Variants in ERG observed in about 807,000 individuals in gnomAD.
ERG encodes transcriptional regulator ERG.
A neutral mutation model predicts 55.3 loss-of-function variants in ERG; 9 were observed. That is an observed-to-expected ratio of 0.16 (90% confidence interval 0.10 to 0.28). The LOEUF (loss-of-function observed/expected upper bound fraction) is 0.28, where lower values mean the gene tolerates loss of function less well. ERG is among the 10% of genes least tolerant of loss of function. The pLI is 1.00. For missense variants in ERG, 434 were observed against 631.6 expected (o/e 0.69, Z 3.35); for synonymous variants, 223 against 237.3 (o/e 0.94, Z 0.55).
chr21:38,408,238 AG>A (rs1988865040), intron 3 of ERG, among the ~76,000 whole-genome samples: 1 of 152,230 alleles, frequency 6.6e-6, no homozygotes, highest in Admixed American at 6.5e-5. Context: ...AATAGAGGAC[AG>A]TTTGCAGGGG....
intron 6 of ERG, among the ~76,000 whole-genome samples, chr21:38,399,021 C>A (rs115985176): frequency 2.4e-3 from 363 of 152,336 alleles, no homozygotes; most frequent in African/African-American, 8.0e-3. Context: ...CACAGAATTA[C>A]AAAATCTCTA....
intron 2 of ERG, among the ~76,000 whole-genome samples, chr21:38,517,628 A>C (rs1042006175): frequency 6.6e-6 from 1 of 152,142 alleles, no homozygotes; most frequent in Admixed American, 6.5e-5. Context: ...TGAAAAAGAA[A>C]TCAGTATATC....
At chr21:38,553,516 C>T (rs2059837843) in intron 2 of ERG, among the ~76,000 whole-genome samples, 1 of 152,106 alleles carries the variant, frequency 6.6e-6, no homozygotes, top group Non-Finnish European at 1.5e-5. Flanking sequence ...TTAGAGAACC[C>T]AGAAGTAATG....
At chr21:38,463,020 G>A (rs943467790) in intron 1 of ERG, among the ~76,000 whole-genome samples, 4 of 152,248 alleles carry the variant, frequency 2.6e-5, no homozygotes, top group Middle Eastern at 3.4e-3. Context: ...TGCAGAGCCC[G>A]GGCACAGACT....
chr21:38,470,024 A>C (rs1215064879), intron 1 of ERG, among the ~76,000 whole-genome samples: 1 of 152,138 alleles, frequency 6.6e-6, no homozygotes, highest in Non-Finnish European at 1.5e-5. Flanking sequence ...AGGCCATTAA[A>C]CTGTAAGCTC....
In ERG at chr21:38,382,776, A is replaced by G. The variant is rs1987508790; in HGVS notation, c.*627T>C. On this transcript the variant is annotated 3_prime_UTR_variant, in exon 10 of 10. Coordinates refer to ENST00000288319, the MANE Select transcript of ERG (RefSeq NM_182918.4). ...CCTTTTAGTTCATAGTCCCGGTAAT[A>G]CTGTAAAGGAGTTGGAAACTTTGGG... 1 of 1,065,914 alleles carries G rather than the reference A, an allele frequency of 9.4e-7. No homozygotes were observed. The highest frequency in any genetic ancestry group is 1.1e-6 in the Non-Finnish European group (1 of 879,540). 66.0% of individuals were successfully genotyped at this position (1,065,914 alleles called of 1,614,324 possible).
chr21:38,604,516 C>T (rs2836563), intron 1 of ERG, among the ~76,000 whole-genome samples: 11,471 of 152,102 alleles, frequency 0.075, 817 homozygotes, highest in African/African-American at 0.19. Context: ...TAAAGCATTA[C>T]TTTTTAATTA....
At chr21:38,393,457 G>T (rs1988068998) in intron 6 of ERG, among the ~76,000 whole-genome samples, 1 of 152,200 alleles carries the variant, frequency 6.6e-6, no homozygotes, top group Admixed American at 6.5e-5. Context: ...TCAGTTCAAT[G>T]TCATGTGTCA....
chr21:38,424,185 GA>G (rs1989701341), intron 2 of ERG, among the ~76,000 whole-genome samples: 5 of 58,578 alleles, frequency 8.5e-5, no homozygotes, highest in Admixed American at 1.5e-4. Context: ...ACCAGAGCTC[GA>G]GCTCTCTCTC....
intron 1 of ERG, among the ~76,000 whole-genome samples, chr21:38,597,240 T>C (rs956800741): frequency 1.4e-4 from 22 of 152,216 alleles, no homozygotes; most frequent in African/African-American, 4.6e-4. Context: ...TATACACATA[T>C]GTACACAGTT....
At chr21:38,562,088 C>T (rs901325726) in intron 2 of ERG, among the ~76,000 whole-genome samples, 3 of 152,292 alleles carry the variant, frequency 2.0e-5, no homozygotes, top group Admixed American at 2.0e-4. Context: ...TTTATGCCTG[C>T]AAGCTCACTA....
chr21:38,465,608 G>A (rs1485086552), intron 1 of ERG, among the ~76,000 whole-genome samples: 2 of 152,172 alleles, frequency 1.3e-5, no homozygotes, highest in African/African-American at 4.8e-5. Flanking sequence ...AATGCACTCC[G>A]ATGGGGAATG....
At chr21:38,635,594 C>A (rs78445426) in intron 1 of ERG, among the ~76,000 whole-genome samples, 3,853 of 152,280 alleles carry the variant, frequency 0.025, 76 homozygotes, top group Middle Eastern at 0.041. Flanking sequence ...ATAAACTTCT[C>A]ATTTCTAAAA....
intron 2 of ERG, among the ~76,000 whole-genome samples, chr21:38,424,467 C>T (rs1055423516): frequency 2.0e-5 from 3 of 152,178 alleles, no homozygotes; most frequent in African/African-American, 7.2e-5. Flanking sequence ...GCGGAACTAC[C>T]ACCTGGCTTC....
At position 38,661,012 on chromosome 21, in the gene ERG, G is replaced by A. The variant is rs559093329; in HGVS notation, c.-150+646C>T. On this transcript the variant is annotated intron_variant, in intron 1 of 10. Transcript: ENST00000398910. Reference sequence around the variant, plus strand: ...TCCGGGAGGAAGAGGAGGAGGAAGAGGAGGAGGCGGAGGAGGAGGAAGAGG... The same window carrying A: ...TCCGGGAGGAAGAGGAGGAGGAAGAAGAGGAGGCGGAGGAGGAGGAAGAGG... Among the ~76,000 whole-genome samples the A allele has an allele frequency of 2.0e-5, 3 of 152,110 alleles. No homozygotes were observed. In the East Asian group the frequency reaches 5.9e-4, roughly 30 times the overall value.
At position 38,380,237 on chromosome 21, in the gene ERG, C is replaced by A; in HGVS notation, c.*3166G>T. 1 of 1,054,308 alleles carries A rather than the reference C, an allele frequency of 9.5e-7. No homozygotes were observed. The highest frequency in any genetic ancestry group is 1.1e-6 in the Non-Finnish European group (1 of 872,398). 65.3% of individuals were successfully genotyped at this position (1,054,308 alleles called of 1,614,324 possible). A position where few individuals can be genotyped will look rare whatever the true frequency, so the allele number is the denominator to read the frequency against. On this transcript the variant is annotated 3_prime_UTR_variant, in exon 10 of 10. Transcript: ENST00000288319. ...CACCTTCCCAGCTCCTGAGCTGTAGCCATCTCTGCTGCACCTGCTGTCAGA... is the reference window on the plus strand; with the variant it reads ...CACCTTCCCAGCTCCTGAGCTGTAGACATCTCTGCTGCACCTGCTGTCAGA...
At chr21:38,602,208 G>T (rs149438369) in intron 1 of ERG, among the ~76,000 whole-genome samples, 1 of 152,298 alleles carries the variant, frequency 6.6e-6, no homozygotes, top group African/African-American at 2.4e-5. Context: ...ACTTTGGGAG[G>T]CTGTGGCAGG....
intron 1 of ERG, among the ~76,000 whole-genome samples, chr21:38,466,301 G>GTGTGTGTGTGTC (rs1491411110): frequency 0.014 from 141 of 9,812 alleles, no homozygotes; most frequent in Non-Finnish European, 0.018. Flanking sequence ...ATGGTCTGGG[G>GTGTGTGTGTGTC]TGTGTGTGTG....
intron 2 of ERG, among the ~76,000 whole-genome samples, chr21:38,574,882 C>T (rs932651298): frequency 1.3e-5 from 2 of 152,200 alleles, no homozygotes; most frequent in African/African-American, 4.8e-5. Flanking sequence ...CAGGTGTAGA[C>T]AGCCTGTTTG....
Sources: allele counts gnomAD v4.1 joint callset (sites outside exome capture counted in the v4.1 genomes callset), GRCh38; gene constraint gnomAD v4.1.1; transcripts MANE v1.5; gene names NCBI Gene and HGNC (gene_info 2026-07-23, HGNC 2026-07-21).